The following SLFNL1 variants were observed in gnomAD, a reference collection of about 807,000 sequenced individuals.
SLFNL1 encodes schlafen-like protein 1.
SLFNL1 carries 26 observed loss-of-function variants against 32.5 expected under a neutral mutation model. The observed-to-expected ratio is 0.80, with a 90% CI of 0.59 to 1.11. The LOEUF is 1.11. SLFNL1 is among the 50% of genes least tolerant of loss of function. The probability of loss-of-function intolerance (pLI) is 0.00; values close to 1 mark genes in which losing one functional copy is unlikely to be tolerated. For missense variants in SLFNL1, 553 were observed against 546.5 expected (o/e 1.01, Z -0.12); for synonymous variants, 255 against 242.2 (o/e 1.05, Z -0.49).
In SLFNL1 at chr1:41,020,383, T is replaced by TAGGC; in HGVS notation, c.274_277dup (p.Tyr93CysfsTer45). 6.2e-7 allele frequency: 1 copy of TAGGC among 1,613,262 alleles called. No homozygotes were observed. The highest frequency in any genetic ancestry group is 1.3e-5 in the African/African-American group (1 of 75,040). On this transcript the variant is annotated frameshift_variant, in exon 3 of 6. Transcript: ENST00000302946. LOFTEE classifies it high-confidence loss of function. ...GTGGACAGTCACCTGCACCAGTGCA[T>TAGGC]AGGCCTTCCGCGGCCGCCTCACCAC...
chr1:41,016,322 G>C (rs1214480743), intron 5 of SLFNL1, 94 bp from the exon 6 acceptor site: 1 of 1,524,072 alleles, frequency 6.6e-7, no homozygotes, highest in Non-Finnish European at 8.8e-7. Context: ...GGAAGGCAAA[G>C]CCCAGGAGCC....
In SLFNL1 at chr1:41,016,010, C is replaced by T. The variant is rs1643291403; in HGVS notation, c.*96G>A. ...GAGTCCCTGTCCGCCTCTCAGCAGC[C>T]CGCATGGGCTTTACTGGTTGGCCTT... On this transcript the variant is annotated 3_prime_UTR_variant, in exon 6 of 6. Coordinates refer to ENST00000302946, the MANE Select transcript of SLFNL1 (RefSeq NM_144990.4). 1 of 1,482,192 alleles carries T rather than the reference C, an allele frequency of 6.7e-7. No individual in the cohort carries two copies. 91.8% of individuals were successfully genotyped at this position (1,482,192 alleles called of 1,614,324 possible).
chr1:41,020,563 G>C lies in SLFNL1; in HGVS notation c.98C>G (p.Ser33Cys), dbSNP rs2148457650. 3 of 1,613,526 alleles carry C rather than the reference G, an allele frequency of 1.9e-6. No homozygotes were observed. Among genetic ancestry groups the C allele is most frequent in the Non-Finnish European group, 2.5e-6 (3 of 1,180,018 alleles). Residue 33 changes from serine to cysteine, a missense_variant, in exon 3 of 6, where the codon TCC (serine) becomes TGC (cysteine). Coordinates refer to ENST00000302946, the MANE Select transcript of SLFNL1 (RefSeq NM_144990.4). The part of the protein sequence containing the change: ...ESLPELPAEQ[S>C]LTEYSDLEEA... ...CTCGAGGTCAGAGTACTCCGTCAGG[G>C]ACTGCTCTGCGGGTAGCTCCGGCAG...
At chr1:41,019,666 C>T (rs1216509923) in intron 3 of SLFNL1, among the ~76,000 whole-genome samples, 1 of 152,216 alleles carries the variant, frequency 6.6e-6, no homozygotes, top group Non-Finnish European at 1.5e-5. Context: ...GTCCAACTCC[C>T]TAAGTCCCGG....
chr1:41,019,502 A>G (rs1643654275), intron 3 of SLFNL1, among the ~76,000 whole-genome samples: 3 of 152,090 alleles, frequency 2.0e-5, no homozygotes, highest in East Asian at 1.9e-4. Context: ...TTCTGGCCCA[A>G]CTTCCTTCCT....
At chr1:41,020,094 G>A (rs1436947998) in intron 3 of SLFNL1, 132 bp downstream of exon 3, 2 of 910,182 alleles carry the variant, frequency 2.2e-6, no homozygotes, top group African/African-American at 1.7e-5. Flanking sequence ...TTGAGTGGCA[G>A]CCCCCAAGTT....
At position 41,017,141 on chromosome 1, in the gene SLFNL1, C is replaced by T; in HGVS notation, c.1101+93G>A. On this transcript the variant is annotated intron_variant, in intron 5 of 5. Coordinates refer to ENST00000302946, the MANE Select transcript of SLFNL1 (RefSeq NM_144990.4). This position sits in a 1 kb window ranked among gnomAD's most constrained non-coding sequence, Gnocchi z 4.9. The stretch of plus-strand genomic sequence containing the variant: ...ACGGGGTGATGCAGGACCCAGGGAA[C>T]CATGGTGGCTTGCCCTGGGCTGCTC... 10 of 1,420,008 alleles carry T rather than the reference C, an allele frequency of 7.0e-6. No individual in the cohort carries two copies. Among genetic ancestry groups the T allele is most frequent in the Non-Finnish European group, 9.3e-6 (10 of 1,075,486 alleles). 88.0% of individuals were successfully genotyped at this position (1,420,008 alleles called of 1,614,324 possible).
rs1034942306 is a variant in SLFNL1, at chr1:41,018,773, G to A, written c.436-617C>T. On this transcript the variant is annotated intron_variant, in intron 3 of 5. Coordinates refer to ENST00000302946, the MANE Select transcript of SLFNL1 (RefSeq NM_144990.4). ...ACTTCCTAGTCTGGGCCTCCCCAGCGAGCCCCTCCCTGACCTCCCTGCTTC... is the reference window on the plus strand; with the variant it reads ...ACTTCCTAGTCTGGGCCTCCCCAGCAAGCCCCTCCCTGACCTCCCTGCTTC... Among the ~76,000 whole-genome samples, 15 of 150,604 alleles carry A rather than the reference G, an allele frequency of 1.0e-4. 1 individual carries two copies. In the South Asian group the frequency reaches 1.9e-3, roughly 19 times the overall value.
Position 41,017,171 on chromosome 1 carries a change from G to C in SLFNL1, c.1101+63C>G. On this transcript the variant is annotated intron_variant, in intron 5 of 5. Coordinates refer to ENST00000302946, the MANE Select transcript of SLFNL1 (RefSeq NM_144990.4). This position sits in a 1 kb window ranked among gnomAD's most constrained non-coding sequence, Gnocchi z 4.9. ...GTGGCTTGCCCTGGGCTGCTCAGTGGGTGGCTGAAGGGGTCTGGGGTCAGC... is the reference window on the plus strand; with the variant it reads ...GTGGCTTGCCCTGGGCTGCTCAGTGCGTGGCTGAAGGGGTCTGGGGTCAGC... The C allele has an allele frequency of 6.7e-7, 1 of 1,495,766 alleles. No individual in the cohort carries two copies. Among genetic ancestry groups the C allele is most frequent in the Non-Finnish European group, 8.9e-7 (1 of 1,124,916 alleles). The allele number at this position is 1,495,766 out of a possible 1,614,324, so 92.7% of individuals were successfully genotyped here.
rs1333731625 is a variant in SLFNL1, at chr1:41,017,330, T to A, written c.1005A>T (p.Gln335His). 1 of 1,613,718 alleles carries A rather than the reference T, an allele frequency of 6.2e-7. No individual in the cohort carries two copies. The highest frequency in any genetic ancestry group is 8.5e-7 in the Non-Finnish European group (1 of 1,179,914). ...VHTPKAQSQPQLYQTDQGEVF... is the reference protein window; with the variant it reads ...VHTPKAQSQPHLYQTDQGEVF... ...CCTCCCCCTGGTCTGTCTGGTAGAG[T>A]TGCGGCTGGCTCTGGGCCTTGGGGG... Residue 335 changes from glutamine (Q) to histidine (H), a missense_variant, in exon 5 of 6, where the codon CAA becomes CAT. Physicochemically the swap from Gln to His is conservative, Grantham distance 24. Transcript: ENST00000302946. This position sits in a 1 kb window ranked among gnomAD's most constrained non-coding sequence, Gnocchi z 4.9.
rs1312227576 is a variant in SLFNL1 at position 41,018,032 on chromosome 1, C to G, written c.560G>C (p.Ser187Thr). Residue 187 changes from serine (S) to threonine (T), a missense_variant, in exon 4 of 6, where the codon AGC (serine) becomes ACC (threonine). Physicochemically the swap from Ser to Thr is moderately conservative, Grantham distance 58 (BLOSUM62 1). Coordinates refer to ENST00000302946, the MANE Select transcript of SLFNL1 (RefSeq NM_144990.4). ...PDRPQAQQLQ[S>T]CQGRPSGVCS... ...CACGCCGCTGGGCCGGCCCTGGCAG[C>G]TCTGCAGCTGCTGGGCCTGGGGCCT... 3.8e-6 allele frequency: 6 copies of G among 1,597,984 alleles called. No individual in the cohort carries two copies. Among genetic ancestry groups the G allele is most frequent in the Non-Finnish European group, 5.1e-6 (6 of 1,173,150 alleles).
chr1:41,015,950 G>T lies in SLFNL1; in HGVS notation c.*156C>A. 9.9e-7 allele frequency: 1 copy of T among 1,012,020 alleles called. No individual in the cohort carries two copies. The highest frequency in any genetic ancestry group is 1.7e-5 in the South Asian group (1 of 60,534). The allele number at this position is 1,012,020 out of a possible 1,614,324, so 62.7% of individuals were successfully genotyped here. A position where few individuals can be genotyped will look rare whatever the true frequency, so the allele number is the denominator to read the frequency against. ...CACAGATGGGTCTGTCAGGGTTGAA[G>T]CCACATGGGTGCCTGCTCATGTGCC... is the stretch of plus-strand genomic sequence containing the variant. On this transcript the variant is annotated 3_prime_UTR_variant, in exon 6 of 6. Transcript: ENST00000302946.
chr1:41,019,772 G>A (rs560737689), intron 3 of SLFNL1, among the ~76,000 whole-genome samples: 4 of 152,212 alleles, frequency 2.6e-5, no homozygotes, highest in Non-Finnish European at 5.9e-5. Context: ...CTTGCAGCTC[G>A]GTGGGTGGCT....
intron 3 of SLFNL1, 166 bp from the exon 4 acceptor site, chr1:41,018,322 C>G: frequency 6.3e-6 from 4 of 635,782 alleles, no homozygotes; most frequent in Non-Finnish European, 9.9e-6. Context: ...GCCCACCCTC[C>G]TGCAGCCGAG....
chr1:41,020,999 C>A, intron 1 of SLFNL1, 129 bp from the exon 2 acceptor site: 1 of 270,034 alleles, frequency 3.7e-6, no homozygotes. Context: ...TTCAGTGGCC[C>A]CAGGGGTCCT....
chr1:41,016,138 C>G lies in SLFNL1; in HGVS notation c.1192G>C (p.Gly398Arg), dbSNP rs201233485. 6.2e-7 allele frequency: 1 copy of G among 1,614,116 alleles called. No individual in the cohort carries two copies. The highest frequency in any genetic ancestry group is 1.1e-5 in the South Asian group (1 of 91,084). ...ACACAGCAGGTGCAGGACACAGGCC[C>G]GTGCTGCTGCAGCTGCTGCTGGAGC... ...EQLQQQLQQH[G>R]PVSCTCCVL The change falls in exon 6 of 6, where the codon GGG (glycine) becomes CGG (arginine). Residue 398 changes from glycine to arginine, a missense_variant. Gly to Arg is a moderately radical substitution (Grantham distance 125, BLOSUM62 -2). Transcript: ENST00000302946.
rs888276470 is a variant in SLFNL1 at position 41,018,156 on chromosome 1, C to T, written c.436G>A (p.Glu146Lys). 2 of 1,474,432 alleles carry T rather than the reference C, an allele frequency of 1.4e-6. No homozygotes were observed. The highest frequency in any genetic ancestry group is 1.4e-5 in the African/African-American group (1 of 71,070). The allele number at this position is 1,474,432 out of a possible 1,614,324, so 91.3% of individuals were successfully genotyped here. Residue 146 changes from glutamate (E) to lysine (K), a missense_variant and splice_region_variant, in exon 4 of 6, where the codon GAG becomes AAG. Glu to Lys is a moderately conservative substitution (Grantham distance 56). Coordinates refer to ENST00000302946, the MANE Select transcript of SLFNL1 (RefSeq NM_144990.4). ...CTGTCCTCCTCCTCCTCCTCCTTCT[C>T]CTAGGGTGGTAGTCAAGAATGAATG... ...EAQGPFSHREEKEEEEEDSGL... is the reference protein window; with the variant it reads ...EAQGPFSHREKKEEEEEDSGL...
rs935143983 is a variant in SLFNL1 at position 41,017,342 on chromosome 1, C to G, written c.993G>C (p.Gln331His). ...IRLTVHTPKA[Q>H]SQPQLYQTDQ... is the part of the protein sequence containing the mutation. ...CTGTCTGGTAGAGTTGCGGCTGGCT[C>G]TGGGCCTTGGGGGTGTGCACGGTCA... Residue 331 changes from glutamine to histidine, a missense_variant, in exon 5 of 6, where the codon CAG (glutamine) becomes CAC (histidine). Coordinates refer to ENST00000302946, the MANE Select transcript of SLFNL1 (RefSeq NM_144990.4). This position sits in a 1 kb window ranked among gnomAD's most constrained non-coding sequence, Gnocchi z 4.9. 7.4e-6 allele frequency: 12 copies of G among 1,613,688 alleles called. No individual in the cohort carries two copies. The highest frequency in any genetic ancestry group is 1.3e-5 in the African/African-American group (1 of 74,928).
Position 41,018,092 on chromosome 1 carries a change from G to T in SLFNL1, c.500C>A (p.Pro167Gln). The T allele has an allele frequency of 6.4e-7, 1 of 1,552,654 alleles. No homozygotes were observed. The highest frequency in any genetic ancestry group is 8.7e-7 in the Non-Finnish European group (1 of 1,144,320). Residue 167 changes from proline (P) to glutamine (Q), a missense_variant, in exon 4 of 6, where the codon CCG (proline) becomes CAG (glutamine). Transcript: ENST00000302946. ...SPGPSPGSGV[P>Q]LPTWPTHTLP... is the part of the protein sequence containing the mutation. ...CGTGTGTGTAGGCCAGGTGGGCAGC[G>T]GGACACCAGAGCCTGGACTGGGGCC...
Sources: allele counts gnomAD v4.1 joint callset (sites outside exome capture counted in the v4.1 genomes callset), GRCh38; gene constraint gnomAD v4.1.1; non-coding constraint Gnocchi (gnomAD v3.1); transcripts MANE v1.5; gene names NCBI Gene and HGNC (gene_info 2026-07-23, HGNC 2026-07-21).